The following PABPC4L variants were observed in gnomAD, a reference collection of about 807,000 sequenced individuals.
The protein encoded by PABPC4L is poly(A) binding protein cytoplasmic 4 like.
For missense variants in PABPC4L, 452 were observed against 451.4 expected, an observed-to-expected ratio of 1.00 and a Z score of -0.01; for synonymous variants, 169 against 164.1, an observed-to-expected ratio of 1.03 and a Z score of -0.23.
At position 134,199,080 on chromosome 4, in the gene PABPC4L, T is replaced by G. The variant is rs1027439927; in HGVS notation, c.*827A>C. Reference sequence around the variant, plus strand: ...CATAATATTAGCATCTGGTAAAAATTTAAGATAATATATTAAGCCATATAG... The same window carrying G: ...CATAATATTAGCATCTGGTAAAAATGTAAGATAATATATTAAGCCATATAG... On this transcript the variant is annotated 3_prime_UTR_variant, in exon 2 of 2. Transcript: ENST00000421491. The G allele has an allele frequency of 2.6e-5, 4 of 152,022 alleles. No homozygotes were observed. Among genetic ancestry groups the G allele is most frequent in the Non-Finnish European group, 5.9e-5 (4 of 67,912 alleles). 9.4% of individuals were successfully genotyped at this position (152,022 alleles called of 1,614,324 possible).
At chr4:134,022,571 G>GA in the PABPC4L span, among the ~76,000 whole-genome samples, 1 of 149,066 alleles carries the variant, frequency 6.7e-6, no homozygotes, top group Non-Finnish European at 1.5e-5. Context: ...TATTAGTTTA[G>GA]TTTTTTTTTT....
downstream of PABPC4L, among the ~76,000 whole-genome samples, chr4:134,191,473 G>T (rs1560834077): frequency 6.6e-6 from 1 of 151,972 alleles, no homozygotes; most frequent in Non-Finnish European, 1.5e-5. Context: ...TTTAAAAAAG[G>T]ATTGAAATAA....
the PABPC4L span, among the ~76,000 whole-genome samples, chr4:134,153,811 T>A: frequency 5.8e-4 from 19 of 32,570 alleles, no homozygotes; most frequent in African/African-American, 3.2e-3. Flanking sequence ...CTATGCCTAG[T>A]TTTTTTTTTT....
At chr4:134,076,995 G>A in the PABPC4L span, among the ~76,000 whole-genome samples, 1 of 151,976 alleles carries the variant, frequency 6.6e-6, no homozygotes, top group African/African-American at 2.4e-5. Context: ...CATTTTTATA[G>A]CATGAATAGT....
chr4:133,977,990 C>G, the PABPC4L span: 1 of 152,264 alleles, frequency 6.6e-6, no homozygotes, highest in African/African-American at 2.4e-5. Context: ...GTAGTGTTAA[C>G]TCTTTTGGCA....
the PABPC4L span, among the ~76,000 whole-genome samples, chr4:133,962,945 T>C: frequency 1.3e-5 from 2 of 151,984 alleles, no homozygotes; most frequent in Admixed American, 1.3e-4. Flanking sequence ...AAAACCAAGA[T>C]ATACAGGCAA....
Position 134,200,804 on chromosome 4 carries a change from G to T in PABPC4L, c.216C>A (p.Asn72Lys), listed in dbSNP as rs900887273. ...TGGATTTGCCTTTTATGATGTCAAA[G>T]TTCATTGTGTCCAGCGCCTTCTGGG... is the stretch of plus-strand genomic sequence containing the variant. ...ADAQKALDTM[N>K]FDIIKGKSIR... Residue 72 changes from asparagine to lysine, a missense_variant, in exon 2 of 2, where the codon AAC becomes AAA. Transcript: ENST00000421491. 15 of 1,552,174 alleles carry T rather than the reference G, an allele frequency of 9.7e-6. No individual in the cohort carries two copies. The highest frequency in any genetic ancestry group is 2.7e-5 in the African/African-American group (2 of 73,064).
the PABPC4L span, among the ~76,000 whole-genome samples, chr4:134,149,031 T>C: frequency 6.6e-6 from 1 of 152,130 alleles, no homozygotes; most frequent in Non-Finnish European, 1.5e-5. Flanking sequence ...GCATTCTATG[T>C]ATCAGAAATA....
At chr4:134,098,341 G>A in the PABPC4L span, among the ~76,000 whole-genome samples, 3 of 151,604 alleles carry the variant, frequency 2.0e-5, no homozygotes, top group African/African-American at 7.3e-5. Context: ...TGTAAATGGG[G>A]GTAAGAGTTG....
At chr4:134,184,319 T>A in the PABPC4L span, among the ~76,000 whole-genome samples, 1 of 151,922 alleles carries the variant, frequency 6.6e-6, no homozygotes, top group African/African-American at 2.4e-5. Context: ...TGACATTTCA[T>A]CATAACAAAA....
chr4:134,143,845 ATC>A, the PABPC4L span, among the ~76,000 whole-genome samples: 1 of 151,404 alleles, frequency 6.6e-6, no homozygotes, highest in African/African-American at 2.4e-5. Context: ...TTTTATAGTG[ATC>A]TCTGTTTTTT....
At chr4:134,025,400 T>C in the PABPC4L span, among the ~76,000 whole-genome samples, 2 of 151,850 alleles carry the variant, frequency 1.3e-5, no homozygotes, top group African/African-American at 4.8e-5. Flanking sequence ...ATATTTCTTC[T>C]TCTATTGGAA....
At chr4:134,088,845 T>C in the PABPC4L span, among the ~76,000 whole-genome samples, 6 of 152,258 alleles carry the variant, frequency 3.9e-5, no homozygotes, top group East Asian at 9.7e-4. Context: ...GATCATTATA[T>C]TCATTATGTC....
chr4:133,954,479 A>T, the PABPC4L span, among the ~76,000 whole-genome samples: 1 of 152,114 alleles, frequency 6.6e-6, no homozygotes, highest in Non-Finnish European at 1.5e-5. Context: ...TCTTTGGGCC[A>T]GGTAAAACAG....
the PABPC4L span, among the ~76,000 whole-genome samples, chr4:134,050,719 A>T: frequency 6.6e-6 from 1 of 151,086 alleles, no homozygotes; most frequent in Non-Finnish European, 1.5e-5. Context: ...AAAAAAAAAA[A>T]AAAAAAAAGT....
the PABPC4L span, among the ~76,000 whole-genome samples, chr4:134,092,417 C>A: frequency 1.3e-5 from 2 of 152,004 alleles, no homozygotes; most frequent in African/African-American, 4.8e-5. Flanking sequence ...CCACTGAGAG[C>A]CACCACCATC....
At chr4:134,089,300 C>T in the PABPC4L span, among the ~76,000 whole-genome samples, 1 of 151,862 alleles carries the variant, frequency 6.6e-6, no homozygotes, top group Non-Finnish European at 1.5e-5. Context: ...GTTACAATTT[C>T]CCATAGACTT....
At chr4:134,038,249 T>C in the PABPC4L span, among the ~76,000 whole-genome samples, 5 of 152,186 alleles carry the variant, frequency 3.3e-5, no homozygotes, top group Non-Finnish European at 2.9e-5. Context: ...GATTTTTGCA[T>C]TGATGTTCAT....
chr4:134,138,175 A>T, the PABPC4L span, among the ~76,000 whole-genome samples: 1 of 152,000 alleles, frequency 6.6e-6, no homozygotes, highest in South Asian at 2.1e-4. Flanking sequence ...TGAATTAAAA[A>T]ATAATGTTGC....
Sources: allele counts gnomAD v4.1 joint callset (sites outside exome capture counted in the v4.1 genomes callset), GRCh38; gene constraint gnomAD v4.1.1; transcripts MANE v1.5; gene names NCBI Gene and HGNC (gene_info 2026-07-23, HGNC 2026-07-21).